Variants in EPS8L3 observed in about 807,000 individuals in gnomAD.
EPS8L3 encodes epidermal growth factor receptor kinase substrate 8-like protein 3.
In EPS8L3, 80 loss-of-function variants were observed where a neutral mutation model predicts 88.5. The observed-to-expected ratio is 0.90, with a 90% confidence interval of 0.75 to 1.09. The LOEUF (loss-of-function observed/expected upper bound fraction) is 1.09. Ranked by LOEUF, EPS8L3 falls within the 50% of genes least tolerant of loss-of-function variation. The pLI is 0.00. For synonymous variants in EPS8L3, 286 were observed against 291.0 expected (o/e 0.98, Z 0.18); for missense variants, 721 against 735.2 (o/e 0.98, Z 0.22).
Position 109,758,015 on chromosome 1 carries a change from C to T in EPS8L3, c.761G>A (p.Gly254Glu). 1 of 1,614,210 alleles carries T rather than the reference C, an allele frequency of 6.2e-7. No homozygotes were observed. Among genetic ancestry groups the T allele is most frequent in the South Asian group, 1.1e-5 (1 of 91,086 alleles). ...HVLRDIELFM[G>E]KLEKAQAKTS... Reference sequence around the variant, plus strand: ...CTTTGCCTGGGCCTTCTCCAGCTTTCCCATGAACAGCTCAATGTCCCTTAG... The same window carrying T: ...CTTTGCCTGGGCCTTCTCCAGCTTTTCCATGAACAGCTCAATGTCCCTTAG... The change falls in exon 9 of 19, where the codon GGA becomes GAA. Residue 254 changes from glycine to glutamate, a missense_variant. Physicochemically the swap from Gly to Glu is moderately conservative, Grantham distance 98 (BLOSUM62 -2). Transcript: ENST00000361965.
At chr1:109,761,419 GT>G (rs1157727519) in intron 3 of EPS8L3, 75 bp downstream of exon 3, 8 of 1,332,100 alleles carry the variant, frequency 6.0e-6, no homozygotes, top group African/African-American at 5.7e-5. Flanking sequence ...AAGTGTCCAT[GT>G]TCTGGCAGGG....
rs77854863 is a variant in EPS8L3, at chr1:109,759,883, G to A, written c.97-47C>T. On this transcript the variant is annotated intron_variant, in intron 3 of 18. Transcript: ENST00000361965. The surrounding 1 kb of genome is among the most constrained non-coding windows in gnomAD (Gnocchi z 4.2). The stretch of plus-strand genomic sequence containing the variant: ...TAGGACTGGGAGAAAGCTCAGAGAG[G>A]TGGACCACAGGCGTGCTGGGTAGAG... The A allele has an allele frequency of 0.057, 90,585 of 1,597,928 alleles. 3,042 individuals are homozygous for A. The highest frequency in any genetic ancestry group is 0.066 in the Non-Finnish European group (77,376 of 1,170,646).
intron 6 of EPS8L3, among the ~76,000 whole-genome samples, 155 bp downstream of exon 6, chr1:109,758,907 C>G (rs533601547): frequency 6.6e-6 from 1 of 152,314 alleles, no homozygotes; most frequent in South Asian, 2.1e-4. Flanking sequence ...GGCCCAGCCC[C>G]TTGCCTATGC....
At position 109,756,572 on chromosome 1, in the gene EPS8L3, T is replaced by C. The variant is rs74586595; in HGVS notation, c.1118+445A>G. 2.4e-3 allele frequency among the ~76,000 whole-genome samples: 370 copies of C among 152,254 alleles called. 7 individuals are homozygous for C. The East Asian group carries it at 0.044, about 18-fold the overall frequency. ...TTTTGTCCAGCTGCCCATCTCACAG[T>C]TACCCCTGCAGGGAGTATCTCTGTC... On this transcript the variant is annotated intron_variant, in intron 12 of 18. Coordinates refer to ENST00000361965, the MANE Select transcript of EPS8L3 (RefSeq NM_133181.4).
Position 109,750,719 on chromosome 1 carries a change from A to G in EPS8L3, c.1711T>C (p.Cys571Arg). Residue 571 changes from cysteine (C) to arginine (R), a missense_variant, in exon 18 of 19, where the codon TGT (cysteine) becomes CGT (arginine). Coordinates refer to ENST00000361965, the MANE Select transcript of EPS8L3 (RefSeq NM_133181.4). ...RIRPGELQML[C>R]PQEAPRILSR... ...AGGATTCGTGGGGCCTCCTGTGGAC[A>G]TAGCATCTGTAGCTCCCCAGGTCTT... The G allele has an allele frequency of 1.2e-6, 2 of 1,614,222 alleles. No individual in the cohort carries two copies. Among genetic ancestry groups the G allele is most frequent in the Non-Finnish European group, 1.7e-6 (2 of 1,180,036 alleles).
chr1:109,759,595 G>A lies in EPS8L3; in HGVS notation c.255+83C>T. ...GTGGGGAGAGTGGCTGCCCTTTGGG[G>A]CATGGAGGGTGGAGTTCAAGAGCTA... On this transcript the variant is annotated intron_variant, in intron 4 of 18. Coordinates refer to ENST00000361965, the MANE Select transcript of EPS8L3 (RefSeq NM_133181.4). The surrounding 1 kb of genome is among the most constrained non-coding windows in gnomAD (Gnocchi z 4.2). 12 of 1,534,750 alleles carry A rather than the reference G, an allele frequency of 7.8e-6. No homozygotes were observed. Among genetic ancestry groups the A allele is most frequent in the East Asian group, 2.3e-5 (1 of 43,162 alleles).
chr1:109,758,482 T>C (rs1371679109), intron 7 of EPS8L3, 42 bp downstream of exon 7: 1 of 1,560,872 alleles, frequency 6.4e-7, no homozygotes, highest in Non-Finnish European at 8.7e-7. Context: ...TGACTTTTCA[T>C]CGAAACCCTC....
chr1:109,762,959 T>G (rs931277347), intron 1 of EPS8L3, among the ~76,000 whole-genome samples: 1 of 152,166 alleles, frequency 6.6e-6, no homozygotes, highest in Non-Finnish European at 1.5e-5. Flanking sequence ...GGGGGTGGTG[T>G]TAGTCTGTGC....
intron 12 of EPS8L3, among the ~76,000 whole-genome samples, chr1:109,755,916 T>C (rs575762244): frequency 6.6e-6 from 1 of 152,370 alleles, no homozygotes; most frequent in African/African-American, 2.4e-5. Context: ...TCTCTTGGTT[T>C]TCATCCCTCT....
rs1420213085 is a variant in EPS8L3, at chr1:109,759,966, C to G, written c.97-130G>C. On this transcript the variant is annotated intron_variant, in intron 3 of 18. Transcript: ENST00000361965. The surrounding 1 kb of genome is among the most constrained non-coding windows in gnomAD (Gnocchi z 4.2). ...CCCCCTTGAGGTAGGAGGTTCCAGGCTTCAGATAAAGCAACTTTCCAGGGC... is the reference window on the plus strand; with the variant it reads ...CCCCCTTGAGGTAGGAGGTTCCAGGGTTCAGATAAAGCAACTTTCCAGGGC... 6.9e-6 allele frequency: 7 copies of G among 1,017,268 alleles called. No homozygotes were observed. The highest frequency in any genetic ancestry group is 9.9e-6 in the Non-Finnish European group (7 of 710,066). The allele number at this position is 1,017,268 out of a possible 1,614,324, so 63.0% of individuals were successfully genotyped here. A position where few individuals can be genotyped will look rare whatever the true frequency, so the allele number is the denominator to read the frequency against.
chr1:109,751,553 G>T (rs1313744875), intron 16 of EPS8L3, 101 bp downstream of exon 16: 2 of 1,560,724 alleles, frequency 1.3e-6, no homozygotes, highest in Non-Finnish European at 1.8e-6. Flanking sequence ...AATACGGTCC[G>T]AATCAAACCA....
At chr1:109,761,366 TG>T in intron 3 of EPS8L3, 128 bp downstream of exon 3, 1 of 751,914 alleles carries the variant, frequency 1.3e-6, no homozygotes. Flanking sequence ...CCATGCGACA[TG>T]GTTGGGACAG....
At chr1:109,753,369 A>G (rs1324790345) in intron 12 of EPS8L3, among the ~76,000 whole-genome samples, 171 bp from the exon 13 acceptor site, 1 of 152,174 alleles carries the variant, frequency 6.6e-6, no homozygotes, top group Non-Finnish European at 1.5e-5. Flanking sequence ...ACAAAGGAGC[A>G]AGCAGTTAAG....
chr1:109,761,163 T>C (rs1475075083), intron 3 of EPS8L3: 1 of 257,388 alleles, frequency 3.9e-6, no homozygotes, highest in African/African-American at 2.2e-5. Context: ...CAGCAGGGGG[T>C]TGGGAGACAG....
In EPS8L3 at chr1:109,758,430, G is replaced by A. The variant is rs773597377; in HGVS notation, c.603C>T (p.Ser201=). 5 of 1,602,522 alleles carry A rather than the reference G, an allele frequency of 3.1e-6. No individual in the cohort carries two copies. In the East Asian group the frequency reaches 6.7e-5, roughly 21 times the overall value. Residue 201 remains serine (S), a splice_region_variant and synonymous_variant, in exon 8 of 19, where the codon AGC becomes AGT. Coordinates refer to ENST00000361965, the MANE Select transcript of EPS8L3 (RefSeq NM_133181.4). ...GCAGGGGCCTTGGGGATGGTGGGAG[G>A]CCTGCAGTGTAAGGGGACCATGGAC... The part of the protein sequence containing the change: ...EQPHQRTLEH[S]LPPSPRPLPR...
Position 109,752,042 on chromosome 1 carries a change from C to T in EPS8L3, c.1387G>A (p.Ala463Thr). ...ACAGTCAGTTCCCGTGGGTTCCTAGCTTCAAACTCGTACAAGACTTGCATT... is the reference window on the plus strand; with the variant it reads ...ACAGTCAGTTCCCGTGGGTTCCTAGTTTCAAACTCGTACAAGACTTGCATT... ...LKMQVLYEFE[A>T]RNPRELTVVQ... The change falls in exon 15 of 19, where the codon GCT (alanine) becomes ACT (threonine). Residue 463 changes from alanine (A) to threonine (T), a missense_variant. Physicochemically the swap from Ala to Thr is moderately conservative, Grantham distance 58 (BLOSUM62 0). Transcript: ENST00000361965. 6.2e-7 allele frequency: 1 copy of T among 1,613,858 alleles called. No individual in the cohort carries two copies. Among genetic ancestry groups the T allele is most frequent in the Non-Finnish European group, 8.5e-7 (1 of 1,179,878 alleles).
chr1:109,757,667 A>C (rs918896910), intron 10 of EPS8L3, 112 bp from the exon 11 acceptor site: 1 of 1,402,878 alleles, frequency 7.1e-7, no homozygotes, highest in East Asian at 2.4e-5. Flanking sequence ...CAAAAGTCCC[A>C]AGAGGGGAGG....
At chr1:109,763,792 C>T (rs886292210) in intron 1 of EPS8L3, 30 bp downstream of exon 1, 4 of 152,968 alleles carry the variant, frequency 2.6e-5, no homozygotes, top group African/African-American at 9.7e-5. Context: ...TGGGCTGGGC[C>T]CCGATCTTCC....
intron 6 of EPS8L3, 155 bp from the exon 7 acceptor site, chr1:109,758,818 C>T (rs1020102665): frequency 9.6e-7 from 1 of 1,042,732 alleles, no homozygotes; most frequent in Non-Finnish European, 1.4e-6. Flanking sequence ...CCCCTGACTC[C>T]ACCCTGCCTC....
Sources: gnomAD v4.1 joint callset for allele counts (sites outside exome capture counted in the v4.1 genomes callset) on GRCh38, gnomAD v4.1.1 for gene constraint, Gnocchi (gnomAD v3.1) non-coding constraint, MANE v1.5 for transcripts, NCBI Gene and HGNC (gene_info 2026-07-23, HGNC 2026-07-21) for gene names.